The following UBR2 variants were observed in gnomAD, a reference collection of about 807,000 sequenced individuals.
The protein encoded by UBR2 is ubiquitin protein ligase E3 component n-recognin 2.
A neutral mutation model predicts 247.9 loss-of-function variants in UBR2; 92 were observed. That is an observed-to-expected ratio of 0.37 (90% CI 0.31 to 0.44). The LOEUF is 0.44. UBR2 is among the 20% of genes least tolerant of loss of function. The pLI, the probability that UBR2 is intolerant of heterozygous loss-of-function variation, is 1.00. For synonymous variants in UBR2, 672 were observed against 693.5 expected (o/e 0.97, Z 0.49); for missense variants, 1,613 against 2,112.6 (o/e 0.76, Z 4.64).
rs1351476334 is a variant in UBR2, at chr6:42,689,863, C to T, written c.5126+193C>T. ...GCCTTCAGAATGCCATGAGGAACAT[C>T]AGGATAGGTAAGGGAAGAGAATAGG... On this transcript the variant is annotated intron_variant, in intron 46 of 46. Coordinates refer to ENST00000372901, the MANE Select transcript of UBR2 (RefSeq NM_001363705.2). The surrounding 1 kb of genome is among the most constrained non-coding windows in gnomAD (Gnocchi z 4.0). Among the ~76,000 whole-genome samples the T allele has an allele frequency of 6.6e-6, 1 of 152,082 alleles. No homozygotes were observed. The highest frequency in any genetic ancestry group is 1.5e-5 in the Non-Finnish European group (1 of 68,014).
intron 4 of UBR2, among the ~76,000 whole-genome samples, chr6:42,603,065 G>A (rs1179046730): frequency 1.3e-5 from 2 of 152,074 alleles, no homozygotes. Context: ...ATGCATGCAC[G>A]TCTCACCCTG....
intron 2 of UBR2, among the ~76,000 whole-genome samples, chr6:42,578,800 T>C (rs1012264827): frequency 3.3e-5 from 5 of 152,120 alleles, no homozygotes; most frequent in Non-Finnish European, 7.4e-5. Flanking sequence ...TTTTCTCTAC[T>C]TAAAATACAA....
chr6:42,566,926 C>A (rs943654779), intron 1 of UBR2, among the ~76,000 whole-genome samples: 4 of 152,178 alleles, frequency 2.6e-5, no homozygotes, highest in African/African-American at 9.7e-5. Flanking sequence ...ACTTTACTGT[C>A]TGTATTAAGT....
rs771389519 is a variant in UBR2, at chr6:42,683,943, G to A, written c.4775+832G>A. Among the ~76,000 whole-genome samples the A allele has an allele frequency of 4.0e-4, 61 of 152,210 alleles. 1 individual carries two copies. Among genetic ancestry groups the A allele is most frequent in the African/African-American group, 8.2e-4 (34 of 41,540 alleles). ...ATCTCTTAGTTCTGGTAAATACATC[G>A]TCCATAAAAGTCAGAAGACTAGAGA... On this transcript the variant is annotated intron_variant, in intron 43 of 46. Coordinates refer to ENST00000372901, the MANE Select transcript of UBR2 (RefSeq NM_001363705.2).
intron 2 of UBR2, among the ~76,000 whole-genome samples, chr6:42,575,162 ATAT>A (rs1791426377): frequency 6.6e-6 from 1 of 152,170 alleles, no homozygotes; most frequent in South Asian, 2.1e-4. Flanking sequence ...TAGCTAGATA[ATAT>A]TCTTTTGTGT....
At chr6:42,663,447 C>T in intron 32 of UBR2, 28 bp downstream of exon 32, 1 of 1,583,440 alleles carries the variant, frequency 6.3e-7, no homozygotes, top group Non-Finnish European at 8.6e-7. Context: ...ACAACTATTA[C>T]AAAGCAATAG....
At chr6:42,676,490 T>C (rs894142551) in intron 39 of UBR2, among the ~76,000 whole-genome samples, 1 of 152,232 alleles carries the variant, frequency 6.6e-6, no homozygotes, top group Non-Finnish European at 1.5e-5. Flanking sequence ...TACATGTTTG[T>C]TAATGCCCAC....
intron 1 of UBR2, among the ~76,000 whole-genome samples, chr6:42,568,488 G>A (rs558853037): frequency 6.6e-6 from 1 of 152,254 alleles, no homozygotes; most frequent in Admixed American, 6.5e-5. Flanking sequence ...CCAGCACTTT[G>A]GGAGGCCAAG....
chr6:42,638,240 C>G (rs1463840280), intron 15 of UBR2, among the ~76,000 whole-genome samples: 1 of 152,098 alleles, frequency 6.6e-6, no homozygotes, highest in Non-Finnish European at 1.5e-5. Flanking sequence ...CTGTGTCTTT[C>G]AGGGAATTGA....
rs59248267 is a variant in UBR2, at chr6:42,659,520, TACACAC to T, written c.3243-99_3243-94del. ...GTCTCAAAAAATAAATAAATATATA[TACACAC>T]ACACACACACACACACACACACACA... On this transcript the variant is annotated intron_variant, in intron 29 of 46. Coordinates refer to ENST00000372901, the MANE Select transcript of UBR2 (RefSeq NM_001363705.2). This position sits in a 1 kb window ranked among gnomAD's most constrained non-coding sequence, Gnocchi z 4.3. The T allele has an allele frequency of 0.35, 172,265 of 496,496 alleles. 17,590 individuals are homozygous for T. Among genetic ancestry groups the T allele is most frequent in the East Asian group, 0.39 (10,822 of 27,634 alleles). 30.8% of individuals were successfully genotyped at this position (496,496 alleles called of 1,614,324 possible). A position where few individuals can be genotyped will look rare whatever the true frequency, so the allele number is the denominator to read the frequency against.
At chr6:42,665,306 A>T in intron 32 of UBR2, 103 bp from the exon 33 acceptor site, 3 of 813,440 alleles carry the variant, frequency 3.7e-6, no homozygotes, top group African/African-American at 1.8e-5. Context: ...TTTGTTTTTA[A>T]TATTTGGAGT....
intron 43 of UBR2, among the ~76,000 whole-genome samples, chr6:42,683,667 A>G (rs1029567254): frequency 2.0e-5 from 3 of 152,244 alleles, no homozygotes; most frequent in African/African-American, 7.2e-5. Context: ...GAATGTCCCC[A>G]TGAGCATTCC....
intron 2 of UBR2, among the ~76,000 whole-genome samples, chr6:42,581,398 C>G (rs1446679500): frequency 6.6e-6 from 1 of 152,102 alleles, no homozygotes; most frequent in East Asian, 1.9e-4. Context: ...GCCATGTTGG[C>G]CAAGCTGGTT....
chr6:42,673,037 G>A (rs2151984741), intron 36 of UBR2, among the ~76,000 whole-genome samples: 1 of 152,214 alleles, frequency 6.6e-6, no homozygotes, highest in Admixed American at 6.5e-5. Context: ...ATTACAATTG[G>A]TACTCACATG....
At chr6:42,654,167 T>C (rs2151968706) in intron 25 of UBR2, among the ~76,000 whole-genome samples, 1 of 152,300 alleles carries the variant, frequency 6.6e-6, no homozygotes, top group African/African-American at 2.4e-5. Context: ...CCCTCCTATT[T>C]ATCTATAAGC....
intron 13 of UBR2, 54 bp downstream of exon 13, chr6:42,632,958 C>CAT: frequency 6.2e-6 from 4 of 645,544 alleles, no homozygotes; most frequent in Non-Finnish European, 8.6e-6. Context: ...TCTCTTTTCT[C>CAT]TTTTTTTTTT....
chr6:42,614,244 ACG>A (rs1263820820), intron 8 of UBR2, among the ~76,000 whole-genome samples: 6,036 of 24,448 alleles, frequency 0.25, 1,079 homozygotes, highest in Non-Finnish European at 0.34. Flanking sequence ...ACACACACAC[ACG>A]CGCGCACATA....
chr6:42,569,410 T>A (rs1166919930), intron 1 of UBR2, among the ~76,000 whole-genome samples: 1 of 152,246 alleles, frequency 6.6e-6, no homozygotes, highest in African/African-American at 2.4e-5. Flanking sequence ...TCATGAGTCA[T>A]GTTGGAACAT....
intron 36 of UBR2, among the ~76,000 whole-genome samples, chr6:42,673,508 T>A (rs989271968): frequency 6.6e-6 from 1 of 152,168 alleles, no homozygotes; most frequent in Non-Finnish European, 1.5e-5. Flanking sequence ...CTTGGGAGTG[T>A]CCCTTGCTTT....
Sources: gnomAD v4.1 joint callset for allele counts (sites outside exome capture counted in the v4.1 genomes callset) on GRCh38, gnomAD v4.1.1 for gene constraint, Gnocchi (gnomAD v3.1) non-coding constraint, MANE v1.5 for transcripts, NCBI Gene and HGNC (gene_info 2026-07-23, HGNC 2026-07-21) for gene names.